C11orf21: variants seen among roughly 807,000 people sequenced by gnomAD.
C11orf21 encodes chromosome 11 open reading frame 21.
A neutral mutation model predicts 15.2 loss-of-function variants in C11orf21; 19 were observed. The observed-to-expected ratio is 1.25, with a 90% CI of 0.87 to 1.84. The LOEUF is 1.84. Ranked by LOEUF, C11orf21 falls within the 40% of genes most tolerant of loss-of-function variation. The pLI is 0.00. For synonymous variants in C11orf21, 62 were observed against 66.8 expected, an observed-to-expected ratio of 0.93 and a Z score of 0.35; for missense variants, 171 against 174.4, an observed-to-expected ratio of 0.98 and a Z score of 0.11.
At chr11:2,300,074 TGG>T (rs1280920617) in intron 2 of C11orf21, among the ~76,000 whole-genome samples, 1 of 84,062 alleles carries the variant, frequency 1.2e-5, no homozygotes, top group Admixed American at 1.4e-4. Context: ...CTAGAGCAGG[TGG>T]GCAGGGGTGT....
intron 1 of C11orf21, chr11:2,300,957 G>A: frequency 1.6e-6 from 1 of 615,772 alleles, no homozygotes; most frequent in East Asian, 2.8e-5. Context: ...CACTGTGGGT[G>A]CCAGGCATCT....
At chr11:2,300,123 T>C (rs982227350) in intron 2 of C11orf21, among the ~76,000 whole-genome samples, 1 of 32,118 alleles carries the variant, frequency 3.1e-5, no homozygotes, top group Non-Finnish European at 6.0e-5. Context: ...TGGGCAGGGG[T>C]GTGTGGGGTG....
intron 1 of C11orf21, 183 bp from the exon 2 acceptor site, chr11:2,300,796 G>C (rs1271518567): frequency 6.5e-7 from 1 of 1,548,706 alleles, no homozygotes; most frequent in Admixed American, 2.0e-5. Flanking sequence ...ATAGCCAAGA[G>C]CAGCTCATCT....
intron 2 of C11orf21, among the ~76,000 whole-genome samples, chr11:2,300,127 T>C (rs1330306241): frequency 5.9e-5 from 1 of 16,812 alleles, no homozygotes. Context: ...CAGGGGTGTG[T>C]GGGGTGGGCA....
chr11:2,301,636 G>T, intron 1 of C11orf21, 120 bp downstream of exon 1: 1 of 817,588 alleles, frequency 1.2e-6, no homozygotes, highest in East Asian at 2.8e-5. Flanking sequence ...ACATTTCAAA[G>T]GGTGTTTCCT....
chr11:2,299,608 C>G lies in C11orf21; in HGVS notation c.247G>C (p.Ala83Pro). ...CAGCAGCAGGCAAGCCAGTGCAGAGCTGGGTGATCCACAGGTTCATGAGCG... is the reference window on the plus strand; with the variant it reads ...CAGCAGCAGGCAAGCCAGTGCAGAGGTGGGTGATCCACAGGTTCATGAGCG... Reference protein sequence around the residue: ...ATAHEPVDHPALHWLACCCCL... With the variant: ...ATAHEPVDHPPLHWLACCCCL... Residue 83 changes from alanine (A) to proline (P), a missense_variant, in exon 3 of 4, where the codon GCT (alanine) becomes CCT (proline). By Grantham distance (27) the Ala-to-Pro change is conservative. Transcript: ENST00000381153. The G allele has an allele frequency of 6.4e-6, 10 of 1,551,206 alleles. No homozygotes were observed. Among genetic ancestry groups the G allele is most frequent in the Non-Finnish European group, 8.7e-6 (10 of 1,146,986 alleles).
rs983604980 is a variant in C11orf21, at chr11:2,301,706, G to A, written c.53+50C>T. The A allele has an allele frequency of 2.4e-5, 34 of 1,437,560 alleles. No individual in the cohort carries two copies. The Admixed American group carries it at 2.7e-4, about 11-fold the overall frequency. 89.1% of individuals were successfully genotyped at this position (1,437,560 alleles called of 1,614,324 possible). A position where few individuals can be genotyped will look rare whatever the true frequency, so the allele number is the denominator to read the frequency against. On this transcript the variant is annotated intron_variant, in intron 1 of 3. Transcript: ENST00000381153. The stretch of plus-strand genomic sequence containing the variant: ...CCATCCAAATTCCTCCAAGGATTAC[G>A]CCCCCAAGGCCCAGTCCACACTTGC...
Position 2,296,307 on chromosome 11 carries a change from C to G in C11orf21, c.*1643G>C, listed in dbSNP as rs1389389636. ...GGAACAAATGTGGGGGCTCTGCTGGCTGCCACATACGTCTGTTTACTCACC... is the reference window on the plus strand; with the variant it reads ...GGAACAAATGTGGGGGCTCTGCTGGGTGCCACATACGTCTGTTTACTCACC... On this transcript the variant is annotated 3_prime_UTR_variant, in exon 4 of 4. Coordinates refer to ENST00000381153, the MANE Select transcript of C11orf21 (RefSeq NM_001329958.2). The surrounding 1 kb of genome is among the most constrained non-coding windows in gnomAD (Gnocchi z 5.6). 5 of 152,222 alleles carry G rather than the reference C, an allele frequency of 3.3e-5. No homozygotes were observed. The allele number at this position is 152,222 out of a possible 1,614,324, so 9.4% of individuals were successfully genotyped here.
upstream of C11orf21, chr11:2,301,972 C>G: frequency 6.7e-7 from 1 of 1,486,050 alleles, no homozygotes; most frequent in Non-Finnish European, 8.9e-7. Context: ...CCCTCCCCTT[C>G]CTGCCTGCCC....
At chr11:2,301,146 C>T in intron 1 of C11orf21, 1 of 270,300 alleles carries the variant, frequency 3.7e-6, no homozygotes, top group Non-Finnish European at 7.2e-6. Context: ...CAGCAGCGTT[C>T]CTGAGCGGGC....
At chr11:2,302,968 G>T, upstream of C11orf21, 1 of 1,610,450 alleles carries the variant, frequency 6.2e-7, no homozygotes, top group Non-Finnish European at 8.5e-7. Flanking sequence ...GGTAAGTGAG[G>T]TCCAGGCCTG....
rs747293087 is a variant in C11orf21, at chr11:2,299,445, G to A, written c.*11C>T. 9 of 1,549,730 alleles carry A rather than the reference G, an allele frequency of 5.8e-6. No individual in the cohort carries two copies. In the East Asian group the frequency reaches 2.0e-4, roughly 34 times the overall value. On this transcript the variant is annotated 3_prime_UTR_variant, in exon 3 of 4. Transcript: ENST00000381153. ...CTGCTCACCTCTGATGGACAGAAAAGGGTCCCTGTCTCAGGAAGGTAGAGG... is the reference window on the plus strand; with the variant it reads ...CTGCTCACCTCTGATGGACAGAAAAAGGTCCCTGTCTCAGGAAGGTAGAGG...
chr11:2,301,782 C>G lies in C11orf21; in HGVS notation c.27G>C (p.Trp9Cys), dbSNP rs777438069. ...TCCTCCTCCCCGGGCGCCGTCTCCT[C>G]CACATCCCACACCAGGTCCTGCCCA... MGRTWCGMWRRRRPGRRSA... is the reference protein window; with the variant it reads MGRTWCGMCRRRRPGRRSA... Residue 9 changes from tryptophan (W) to cysteine (C), a missense_variant, in exon 1 of 4, where the codon TGG becomes TGC. Trp to Cys is a radical substitution (Grantham distance 215). Coordinates refer to ENST00000381153, the MANE Select transcript of C11orf21 (RefSeq NM_001329958.2). The G allele has an allele frequency of 6.5e-6, 10 of 1,550,250 alleles. No individual in the cohort carries two copies. Among genetic ancestry groups the G allele is most frequent in the Non-Finnish European group, 8.7e-6 (10 of 1,146,888 alleles).
chr11:2,300,817 G>C, intron 1 of C11orf21: 2 of 1,536,134 alleles, frequency 1.3e-6, no homozygotes, highest in Non-Finnish European at 1.8e-6. Flanking sequence ...TCCCTGGAGA[G>C]GACGGGCTGC....
At chr11:2,299,045 G>A (rs1209793925) in intron 3 of C11orf21, among the ~76,000 whole-genome samples, 1 of 152,174 alleles carries the variant, frequency 6.6e-6, no homozygotes, top group African/African-American at 2.4e-5. Flanking sequence ...CCCAGTTTGA[G>A]TATGGTCTTG....
chr11:2,302,159 T>C (rs748716777), upstream of C11orf21: 35 of 1,436,482 alleles, frequency 2.4e-5, no homozygotes, highest in Non-Finnish European at 3.0e-5. Flanking sequence ...CATGGGGCCT[T>C]GGAGTCGAGT....
At position 2,299,699 on chromosome 11, in the gene C11orf21, AGG is replaced by A. The variant is rs1323069625; in HGVS notation, c.154_155del (p.Pro52TrpfsTer25). The A allele has an allele frequency of 6.4e-7, 1 of 1,550,976 alleles. No individual in the cohort carries two copies. Among genetic ancestry groups the A allele is most frequent in the Non-Finnish European group, 8.7e-7 (1 of 1,146,866 alleles). On this transcript the variant is annotated frameshift_variant, in exon 3 of 4. Coordinates refer to ENST00000381153, the MANE Select transcript of C11orf21 (RefSeq NM_001329958.2). LOFTEE classifies it high-confidence loss of function. The stretch of plus-strand genomic sequence containing the variant: ...CAGCTGCAGGTGGCATCATTGAGCC[AGG>A]GGCCTCCTGGTGGGTAAGGACATTG... The part of the protein sequence containing the change: ...PGWPSRDQEA[P>X]GSMMPPAAAQ...
rs1463451079 is a variant in C11orf21 at position 2,301,914 on chromosome 11, G to C, written c.-106C>G. On this transcript the variant is annotated 5_prime_UTR_variant, in exon 1 of 4. Transcript: ENST00000381153. ...AGCAAATGCCCTGGTGTCTTGGGCTGGGCTGGGGGCACCAGGGTGAGGTGG... is the reference window on the plus strand; with the variant it reads ...AGCAAATGCCCTGGTGTCTTGGGCTCGGCTGGGGGCACCAGGGTGAGGTGG... 1.2e-5 allele frequency: 18 copies of C among 1,534,088 alleles called. No homozygotes were observed. Among genetic ancestry groups the C allele is most frequent in the Non-Finnish European group, 1.6e-5 (18 of 1,140,048 alleles).
chr11:2,302,047 G>A, upstream of C11orf21: 1 of 1,496,770 alleles, frequency 6.7e-7, no homozygotes, highest in Non-Finnish European at 8.9e-7. Context: ...AGGGGCGGAT[G>A]CAGCCTACCT....
Sources: allele counts gnomAD v4.1 joint callset (sites outside exome capture counted in the v4.1 genomes callset), GRCh38; gene constraint gnomAD v4.1.1; non-coding constraint Gnocchi (gnomAD v3.1); transcripts MANE v1.5; gene names NCBI Gene and HGNC (gene_info 2026-07-23, HGNC 2026-07-21).